The following ZBTB20 variants were observed in gnomAD, a reference collection of about 807,000 sequenced individuals.
ZBTB20 encodes zinc finger and BTB domain containing 20.
Under a neutral mutation model 56.9 loss-of-function variants are expected in ZBTB20, and 9 were observed. The observed-to-expected ratio is 0.16, with a 90% CI of 0.10 to 0.28. ZBTB20 has a LOEUF of 0.28. Among genes scored for constraint, ZBTB20 ranks in the 10% least tolerant of loss-of-function variants. The pLI, the probability that ZBTB20 is intolerant of heterozygous loss-of-function variation, is 1.00. For missense variants in ZBTB20, 655 were observed against 1,003.0 expected (o/e 0.65, Z 4.69); for synonymous variants, 417 against 420.7 (o/e 0.99, Z 0.11).
At chr3:115,067,823 C>A (rs2082263166) in intron 2 of ZBTB20, among the ~76,000 whole-genome samples, 1 of 152,110 alleles carries the variant, frequency 6.6e-6, no homozygotes, top group African/African-American at 2.4e-5. Context: ...AGCTAACTTG[C>A]TAGCCTGCCG....
rs764033331 is a variant in ZBTB20, at chr3:114,351,532, G to T, written c.546C>A (p.Ile182=). 4 of 1,614,042 alleles carry T rather than the reference G, an allele frequency of 2.5e-6. No homozygotes were observed. The East Asian group carries it at 8.9e-5, about 36-fold the overall frequency. ...QILTAASILQ[I]KTVIDECTRI... is the part of the protein sequence containing the mutation. ...GCGTGCACTCGTCGATGACTGTTTT[G>T]ATCTGCAGGATGCTGGCGGCCGTGA... is the stretch of plus-strand genomic sequence containing the variant. The change falls in exon 11 of 12, where the codon ATC becomes ATA. Residue 182 remains isoleucine, a synonymous_variant. Coordinates refer to ENST00000675478, the MANE Select transcript of ZBTB20 (RefSeq NM_001348800.3).
chr3:115,034,962 AACAG>A (rs2080853527), intron 2 of ZBTB20, among the ~76,000 whole-genome samples: 2 of 152,046 alleles, frequency 1.3e-5, no homozygotes, highest in African/African-American at 4.8e-5. Flanking sequence ...TTCAATGGGG[AACAG>A]ACAGTCTTTT....
At chr3:114,602,489 T>G (rs2056834898) in intron 6 of ZBTB20, among the ~76,000 whole-genome samples, 1 of 152,062 alleles carries the variant, frequency 6.6e-6, no homozygotes, top group Admixed American at 6.6e-5. Context: ...CCTTCTGTTA[T>G]GCTCCCTCTT....
intron 10 of ZBTB20, among the ~76,000 whole-genome samples, chr3:114,352,812 T>A (rs2080815659): frequency 6.6e-6 from 1 of 152,196 alleles, no homozygotes. Flanking sequence ...TGTTAATAAT[T>A]AGGCCAGGAT....
intron 1 of ZBTB20, among the ~76,000 whole-genome samples, chr3:115,103,669 C>A (rs534320028): frequency 1.3e-5 from 2 of 152,158 alleles, no homozygotes; most frequent in African/African-American, 4.8e-5. Context: ...TAAATCCAGA[C>A]GCAGACTTTA....
At chr3:114,619,537 C>T (rs888976962) in intron 6 of ZBTB20, among the ~76,000 whole-genome samples, 11 of 151,660 alleles carry the variant, frequency 7.3e-5, no homozygotes, top group African/African-American at 2.4e-4. Flanking sequence ...GTTTGTAGTA[C>T]ATGCAGTTAC....
chr3:115,018,558 G>T (rs1400280833), intron 2 of ZBTB20, among the ~76,000 whole-genome samples: 3 of 151,304 alleles, frequency 2.0e-5, no homozygotes, highest in Non-Finnish European at 4.4e-5. Flanking sequence ...GCACCATTTA[G>T]ATTGATATGT....
At chr3:115,125,306 G>GAGCC (rs2084297080) in intron 1 of ZBTB20, among the ~76,000 whole-genome samples, 1 of 150,966 alleles carries the variant, frequency 6.6e-6, no homozygotes, top group Non-Finnish European at 1.5e-5. Context: ...TTGTGTCACT[G>GAGCC]CACTGCAGCC....
chr3:114,948,240 AC>A (rs1407703386), intron 3 of ZBTB20, among the ~76,000 whole-genome samples: 2 of 145,558 alleles, frequency 1.4e-5, no homozygotes, highest in South Asian at 2.1e-4. Flanking sequence ...TAAAAAAAAA[AC>A]AAAACAGACA....
chr3:114,594,735 G>C (rs1408971219), intron 6 of ZBTB20, among the ~76,000 whole-genome samples: 2 of 152,070 alleles, frequency 1.3e-5, no homozygotes, highest in Non-Finnish European at 2.9e-5. Context: ...AATAATAAAG[G>C]CATGTTTCTA....
At chr3:114,885,845 G>C (rs1371316821) in intron 4 of ZBTB20, among the ~76,000 whole-genome samples, 1 of 152,144 alleles carries the variant, frequency 6.6e-6, no homozygotes, top group Non-Finnish European at 1.5e-5. Context: ...AGAGCTGAAA[G>C]TTAAAAGAAA....
At chr3:114,521,046 T>C (rs1165947735) in intron 6 of ZBTB20, among the ~76,000 whole-genome samples, 1 of 152,182 alleles carries the variant, frequency 6.6e-6, no homozygotes, top group Non-Finnish European at 1.5e-5. Context: ...TGAACTAATA[T>C]TAATTTATTA....
At chr3:114,503,752 T>C (rs2044273573) in intron 6 of ZBTB20, among the ~76,000 whole-genome samples, 1 of 152,134 alleles carries the variant, frequency 6.6e-6, no homozygotes, top group Non-Finnish European at 1.5e-5. Context: ...TGACGAGGGG[T>C]GAAGTTTAAT....
In ZBTB20 at chr3:114,495,256, T is replaced by C. The variant is rs78254364; in HGVS notation, c.-255+5096A>G. Reference sequence around the variant, plus strand: ...AAATTATTCTTTGTACATAGCATGTTTTTAATAATATCTTAAAGCGTGAAT... The same window carrying C: ...AAATTATTCTTTGTACATAGCATGTCTTTAATAATATCTTAAAGCGTGAAT... On this transcript the variant is annotated intron_variant, in intron 7 of 11. Coordinates refer to ENST00000675478, the MANE Select transcript of ZBTB20 (RefSeq NM_001348800.3). Among the ~76,000 whole-genome samples the C allele has an allele frequency of 3.9e-3, 601 of 152,340 alleles. 4 individuals carry two copies. The highest frequency in any genetic ancestry group is 0.013 in the African/African-American group (556 of 41,584).
At chr3:114,484,467 G>C (rs550184187) in intron 7 of ZBTB20, among the ~76,000 whole-genome samples, 1 of 152,242 alleles carries the variant, frequency 6.6e-6, no homozygotes, top group South Asian at 2.1e-4. Flanking sequence ...TGTCTGTCTG[G>C]ACCAGGTATA....
At chr3:114,578,393 A>T (rs1156956436) in intron 6 of ZBTB20, among the ~76,000 whole-genome samples, 3 of 152,046 alleles carry the variant, frequency 2.0e-5, no homozygotes, top group Non-Finnish European at 4.4e-5. Context: ...AAGTAATGAC[A>T]AAGGAACAAT....
At chr3:114,890,335 G>GCAGTGATAA (rs34357094) in intron 4 of ZBTB20, among the ~76,000 whole-genome samples, 16 of 152,102 alleles carry the variant, frequency 1.1e-4, no homozygotes, top group African/African-American at 3.9e-4. Flanking sequence ...CAGAATCTTG[G>GCAGTGATAA]CAGTGATAAT....
intron 5 of ZBTB20, among the ~76,000 whole-genome samples, chr3:114,800,017 G>T (rs1463038069): frequency 6.6e-6 from 1 of 151,834 alleles, no homozygotes; most frequent in Non-Finnish European, 1.5e-5. Flanking sequence ...TTGACTGGGG[G>T]CTGTGACACT....
intron 4 of ZBTB20, chr3:114,874,149 T>C (rs540138668): frequency 2.0e-5 from 3 of 152,330 alleles, no homozygotes; most frequent in South Asian, 2.1e-4. Flanking sequence ...TCAGGTTATA[T>C]AGAGGGAAGC....
Sources: gnomAD v4.1 joint callset for allele counts (sites outside exome capture counted in the v4.1 genomes callset) on GRCh38, gnomAD v4.1.1 for gene constraint, MANE v1.5 for transcripts, NCBI Gene and HGNC (gene_info 2026-07-23, HGNC 2026-07-21) for gene names.